GLI2: variants seen among roughly 807,000 people sequenced by gnomAD.
GLI2 encodes transcription activator GLI2.
GLI2 carries 22 observed loss-of-function variants against 78.9 expected under a neutral mutation model. The observed-to-expected ratio is 0.28, with a 90% CI of 0.20 to 0.40. The LOEUF is 0.40. GLI2 is among the 10% of genes least tolerant of loss of function. The pLI is 1.00. For synonymous variants in GLI2, 974 were observed against 963.7 expected (o/e 1.01, Z -0.20); for missense variants, 2,097 against 2,213.2 (o/e 0.95, Z 1.05).
At chr2:120,893,797 G>A (rs1290821309) in intron 2 of GLI2, among the ~76,000 whole-genome samples, 4 of 152,186 alleles carry the variant, frequency 2.6e-5, no homozygotes, top group Admixed American at 1.3e-4. Context: ...GCGAGGAAGC[G>A]GATGGTTTTC....
In GLI2 at chr2:120,978,416, G is replaced by T. The variant is rs1375815365; in HGVS notation, c.1318-18G>T. On this transcript the variant is annotated intron_variant, in intron 9 of 13. Coordinates refer to ENST00000361492, the MANE Select transcript of GLI2 (RefSeq NM_001374353.1). ...CTCTGGCCCTGCTTACCCTCTTCTG[G>T]GCATGTCCCTCCGGCAGCACATCAA... 1.2e-6 allele frequency: 2 copies of T among 1,613,956 alleles called. No individual in the cohort carries two copies. Among genetic ancestry groups the T allele is most frequent in the Non-Finnish European group, 1.7e-6 (2 of 1,179,986 alleles).
At chr2:120,783,121 G>C (rs1683894974) in intron 1 of GLI2, among the ~76,000 whole-genome samples, 1 of 152,122 alleles carries the variant, frequency 6.6e-6, no homozygotes, top group African/African-American at 2.4e-5. Context: ...CCAAATTTGG[G>C]GCACACAGCT....
intron 2 of GLI2, among the ~76,000 whole-genome samples, chr2:120,805,673 A>G (rs1558806073): frequency 6.6e-6 from 1 of 152,224 alleles, no homozygotes; most frequent in East Asian, 1.9e-4. Context: ...GGAACATTCC[A>G]TCACATGGGA....
chr2:120,746,218 C>T (rs1449920308), intron 1 of GLI2, among the ~76,000 whole-genome samples: 1 of 152,238 alleles, frequency 6.6e-6, no homozygotes, highest in Non-Finnish European at 1.5e-5. Flanking sequence ...CCTTTGGAAG[C>T]CTGGGTTAGC....
chr2:120,978,899 ACG>A (rs1480433345), intron 10 of GLI2, among the ~76,000 whole-genome samples: 1 of 152,234 alleles, frequency 6.6e-6, no homozygotes, highest in Non-Finnish European at 1.5e-5. Flanking sequence ...TGGCTGGGTG[ACG>A]CTGGGAAGAG....
At position 120,927,396 on chromosome 2, in the gene GLI2, C is replaced by A; in HGVS notation, c.184C>A (p.Leu62Ile). The change falls in exon 3 of 14, where the codon CTA (leucine) becomes ATA (isoleucine). Residue 62 changes from leucine to isoleucine, a missense_variant. Transcript: ENST00000361492. ...TCTCTTGCCACCATTCCATGCGCCCCTACCGATTGACATGCGACACCAGGA... is the reference window on the plus strand; with the variant it reads ...TCTCTTGCCACCATTCCATGCGCCCATACCGATTGACATGCGACACCAGGA... ...QHLLPPFHAP[L>I]PIDMRHQEGR... The A allele has an allele frequency of 6.2e-7, 1 of 1,614,066 alleles. No homozygotes were observed. The highest frequency in any genetic ancestry group is 8.5e-7 in the Non-Finnish European group (1 of 1,179,902).
intron 4 of GLI2, among the ~76,000 whole-genome samples, chr2:120,952,687 G>A (rs895011223): frequency 6.6e-6 from 1 of 152,246 alleles, no homozygotes; most frequent in Admixed American, 6.5e-5. Flanking sequence ...CCTCAAGTCA[G>A]AACTCAGCCC....
chr2:120,989,933 TC>T lies in GLI2; in HGVS notation c.3972del (p.Ser1325AlafsTer27). The T allele has an allele frequency of 6.2e-7, 1 of 1,611,698 alleles. No homozygotes were observed. Among genetic ancestry groups the T allele is most frequent in the Non-Finnish European group, 8.5e-7 (1 of 1,179,444 alleles). On this transcript the variant is annotated frameshift_variant, in exon 14 of 14. Coordinates refer to ENST00000361492, the MANE Select transcript of GLI2 (RefSeq NM_001374353.1). LOFTEE classifies it low-confidence loss of function (END_TRUNC). Reference sequence around the variant, plus strand: ...ATGAGCCAGGAGGGCTACCACCAGGTCCCCAGCCTTCTGCCTGCCCGCCAGC... The same window carrying T: ...ATGAGCCAGGAGGGCTACCACCAGGTCCCAGCCTTCTGCCTGCCCGCCAGC... ...ASMSQEGYHQVPSLLPARQPG... is the reference protein window; with the variant it reads ...ASMSQEGYHQXPSLLPARQPG...
At chr2:120,928,049 G>T (rs551828450) in intron 3 of GLI2, among the ~76,000 whole-genome samples, 1 of 152,198 alleles carries the variant, frequency 6.6e-6, no homozygotes, top group Admixed American at 6.5e-5. Flanking sequence ...CCCATTGGCT[G>T]GTGTCATTTC....
At chr2:120,899,573 G>A (rs899005068) in intron 2 of GLI2, among the ~76,000 whole-genome samples, 3 of 152,156 alleles carry the variant, frequency 2.0e-5, no homozygotes, top group Non-Finnish European at 4.4e-5. Flanking sequence ...AGGTCTCGTT[G>A]GCTGTGTGAT....
chr2:120,773,926 C>CTTCA (rs1471103786), intron 1 of GLI2, among the ~76,000 whole-genome samples: 48 of 138,256 alleles, frequency 3.5e-4, no homozygotes, highest in African/African-American at 1.3e-3. Flanking sequence ...TCCTTCCTTC[C>CTTCA]TTCCTTCCCT....
In GLI2 at chr2:120,927,622, C is replaced by T. The variant is rs375936593; in HGVS notation, c.254+156C>T. ...CGGGCGATCACCTTTGCTATCATGGCCTGGGACCCTGTGTGAGCATGTGCG... is the reference window on the plus strand; with the variant it reads ...CGGGCGATCACCTTTGCTATCATGGTCTGGGACCCTGTGTGAGCATGTGCG... On this transcript the variant is annotated intron_variant, in intron 3 of 13. Coordinates refer to ENST00000361492, the MANE Select transcript of GLI2 (RefSeq NM_001374353.1). 2.3e-4 allele frequency among the ~76,000 whole-genome samples: 35 copies of T among 152,310 alleles called. No individual in the cohort carries two copies. In the East Asian group the frequency reaches 5.8e-3, roughly 25 times the overall value.
At chr2:120,871,874 C>G (rs909217663) in intron 2 of GLI2, among the ~76,000 whole-genome samples, 18 of 152,170 alleles carry the variant, frequency 1.2e-4, no homozygotes, top group African/African-American at 4.3e-4. Flanking sequence ...CAGAGCCGGG[C>G]CCATTTATTA....
intron 2 of GLI2, among the ~76,000 whole-genome samples, chr2:120,885,514 A>T (rs772435003): frequency 2.0e-5 from 3 of 152,144 alleles, no homozygotes; most frequent in Non-Finnish European, 4.4e-5. Flanking sequence ...GTGTGTTTTC[A>T]TGGCCCTTCA....
rs529853613 is a variant in GLI2, at chr2:120,870,546, G to A, written c.149-56815G>A. ...AAAGAGATTGGAGTATGGCCTCAGC[G>A]GAGGTGTGACTGCCAGTGACACCTG... On this transcript the variant is annotated intron_variant, in intron 2 of 13. Coordinates refer to ENST00000361492, the MANE Select transcript of GLI2 (RefSeq NM_001374353.1). Among the ~76,000 whole-genome samples, 6 of 152,282 alleles carry A rather than the reference G, an allele frequency of 3.9e-5. No homozygotes were observed. In the South Asian group the frequency reaches 6.2e-4, roughly 16 times the overall value.
chr2:120,891,068 C>T (rs1393077142), intron 2 of GLI2, among the ~76,000 whole-genome samples: 1 of 152,210 alleles, frequency 6.6e-6, no homozygotes, highest in Non-Finnish European at 1.5e-5. Flanking sequence ...GGGCACCAGA[C>T]GTGGAGCCCA....
rs543253099 is a variant in GLI2, at chr2:120,863,370, C to T, written c.149-63991C>T. Among the ~76,000 whole-genome samples, 5 of 152,338 alleles carry T rather than the reference C, an allele frequency of 3.3e-5. No homozygotes were observed. In the South Asian group the frequency reaches 8.3e-4, roughly 25 times the overall value. ...GTGCTTGCCTCTTCCTGACCGCGGTCTCCACCCCACACCTGTGATTGCACA... is the reference window on the plus strand; with the variant it reads ...GTGCTTGCCTCTTCCTGACCGCGGTTTCCACCCCACACCTGTGATTGCACA... On this transcript the variant is annotated intron_variant, in intron 2 of 13. Transcript: ENST00000361492.
chr2:120,787,108 A>T (rs760349799), intron 1 of GLI2, among the ~76,000 whole-genome samples: 1 of 152,068 alleles, frequency 6.6e-6, no homozygotes, highest in Non-Finnish European at 1.5e-5. Context: ...GGCAAGACAG[A>T]CCCCTGCCTG....
At chr2:120,918,372 G>T (rs1474196933) in intron 2 of GLI2, among the ~76,000 whole-genome samples, 1 of 151,912 alleles carries the variant, frequency 6.6e-6, no homozygotes, top group Non-Finnish European at 1.5e-5. Flanking sequence ...TGTCACATCT[G>T]CTCAGAGATG....
Sources: allele counts gnomAD v4.1 joint callset (sites outside exome capture counted in the v4.1 genomes callset), GRCh38; gene constraint gnomAD v4.1.1; transcripts MANE v1.5; gene names NCBI Gene and HGNC (gene_info 2026-07-23, HGNC 2026-07-21).